Variants in JAZF1 observed in about 807,000 individuals in gnomAD.
The protein encoded by JAZF1 is JAZF zinc finger 1.
JAZF1 carries 8 observed loss-of-function variants against 26.4 expected under a neutral mutation model. The ratio of observed to expected loss-of-function variants is 0.30; its 90% CI spans 0.18 to 0.55. The LOEUF is 0.55. Among genes scored for constraint, JAZF1 ranks in the 20% least tolerant of loss-of-function variants. JAZF1 has a pLI of 0.94. For synonymous variants in JAZF1, 126 were observed against 122.3 expected (o/e 1.03, Z -0.20); for missense variants, 199 against 322.0 (o/e 0.62, Z 2.92).
chr7:28,090,580 A>AT (rs1784277591), intron 1 of JAZF1, among the ~76,000 whole-genome samples: 1 of 152,194 alleles, frequency 6.6e-6, no homozygotes, highest in Non-Finnish European at 1.5e-5. Context: ...TGTTTAAAAT[A>AT]TCTCCTTTGA....
Position 27,840,911 on chromosome 7 carries a change from T to C in JAZF1, c.386-44A>G. On this transcript the variant is annotated intron_variant, in intron 3 of 4. Transcript: ENST00000283928. This position sits in a 1 kb window ranked among gnomAD's most constrained non-coding sequence, Gnocchi z 5.1. ...GCAAGGACTGTCAGGAGCGCTCATC[T>C]CCCCACAGGTTCACCCGGCCACTTC... 1 of 1,596,726 alleles carries C rather than the reference T, an allele frequency of 6.3e-7. No individual in the cohort carries two copies.
At chr7:28,177,090 T>A (rs575089457) in intron 1 of JAZF1, among the ~76,000 whole-genome samples, 1 of 152,186 alleles carries the variant, frequency 6.6e-6, no homozygotes, top group South Asian at 2.1e-4. Flanking sequence ...CACTTCACAG[T>A]TGCAGGGCTA....
chr7:27,880,558 G>A lies in JAZF1; in HGVS notation c.385+14662C>T, dbSNP rs556330324. ...TGAGGCAGGAGAATTGCTTGAACCC[G>A]AGAGACAGAGGTTGCAGTGAGCCGA... On this transcript the variant is annotated intron_variant, in intron 3 of 4. Coordinates refer to ENST00000283928, the MANE Select transcript of JAZF1 (RefSeq NM_175061.4). Among the ~76,000 whole-genome samples, 389 of 151,910 alleles carry A rather than the reference G, an allele frequency of 2.6e-3. 1 individual carries two copies. The highest frequency in any genetic ancestry group is 8.9e-3 in the African/African-American group (369 of 41,478).
intron 1 of JAZF1, among the ~76,000 whole-genome samples, chr7:28,076,377 T>A (rs891754351): frequency 6.6e-6 from 1 of 152,182 alleles, no homozygotes; most frequent in Non-Finnish European, 1.5e-5. Context: ...AACATTGATA[T>A]ATCAATTTAA....
chr7:28,128,279 T>A (rs905796780), intron 1 of JAZF1, among the ~76,000 whole-genome samples: 1 of 152,116 alleles, frequency 6.6e-6, no homozygotes, highest in Non-Finnish European at 1.5e-5. Flanking sequence ...ATCCCAGCAC[T>A]ATGGAAGGCC....
At chr7:28,106,340 T>C (rs1017422725) in intron 1 of JAZF1, among the ~76,000 whole-genome samples, 7 of 152,186 alleles carry the variant, frequency 4.6e-5, no homozygotes, top group Non-Finnish European at 1.0e-4. Flanking sequence ...AATGTTCCAA[T>C]AGCCACTCTC....
intron 2 of JAZF1, among the ~76,000 whole-genome samples, chr7:27,934,614 G>A (rs992127028): frequency 2.0e-5 from 3 of 152,172 alleles, no homozygotes; most frequent in African/African-American, 7.2e-5. Flanking sequence ...ATATCCCATC[G>A]GGTGGGGGGC....
rs771128232 is a variant in JAZF1 at position 27,840,854 on chromosome 7, G to A, written c.399C>T (p.Asp133=). The A allele has an allele frequency of 2.7e-5, 44 of 1,613,816 alleles. No individual in the cohort carries two copies. The East Asian group carries it at 4.5e-4, about 16-fold the overall frequency. Residue 133 remains aspartate, a synonymous_variant, in exon 4 of 5, where the codon GAC becomes GAT. Coordinates refer to ENST00000283928, the MANE Select transcript of JAZF1 (RefSeq NM_175061.4). This position sits in a 1 kb window ranked among gnomAD's most constrained non-coding sequence, Gnocchi z 5.1. ...ACTCCTCATAGTCCACCTCCTCCTCGTCATACTCGCTGCCTGCAGGACAAG... is the reference window on the plus strand; with the variant it reads ...ACTCCTCATAGTCCACCTCCTCCTCATCATACTCGCTGCCTGCAGGACAAG... The part of the protein sequence containing the change: ...RSSTPTGSEY[D]EEEVDYEESD...
intron 3 of JAZF1, among the ~76,000 whole-genome samples, chr7:27,853,787 C>T (rs1783194410): frequency 1.3e-5 from 2 of 152,170 alleles, no homozygotes; most frequent in Admixed American, 1.3e-4. Flanking sequence ...CAGTATTTTA[C>T]TACCAATTAT....
chr7:27,940,284 C>T (rs925195702), intron 2 of JAZF1, among the ~76,000 whole-genome samples: 2 of 64,164 alleles, frequency 3.1e-5, no homozygotes, highest in African/African-American at 7.5e-5. Flanking sequence ...GGCCGGGTCA[C>T]GGCGGTGTGG....
intron 4 of JAZF1, among the ~76,000 whole-genome samples, chr7:27,838,495 G>A (rs1782860022): frequency 6.6e-6 from 1 of 152,166 alleles, no homozygotes; most frequent in Admixed American, 6.5e-5. Flanking sequence ...GGCTGGCAGA[G>A]ACTGCTGCCA....
At chr7:27,854,053 CCT>C (rs148753451) in intron 3 of JAZF1, among the ~76,000 whole-genome samples, 34,603 of 151,860 alleles carry the variant, frequency 0.23, 4,757 homozygotes, top group East Asian at 0.57. Context: ...TCTGCATGCT[CCT>C]GTTTTGGGTG....
intron 1 of JAZF1, among the ~76,000 whole-genome samples, chr7:28,050,118 T>A (rs1382329034): frequency 2.0e-5 from 3 of 151,976 alleles, no homozygotes; most frequent in Non-Finnish European, 4.4e-5. Context: ...GGAAATTCCA[T>A]GAGATGGAGG....
At chr7:27,868,436 G>A (rs946124078) in intron 3 of JAZF1, among the ~76,000 whole-genome samples, 2 of 152,040 alleles carry the variant, frequency 1.3e-5, no homozygotes, top group Admixed American at 6.5e-5. Context: ...AGATTCCTCC[G>A]CCCCTGCATG....
intron 1 of JAZF1, among the ~76,000 whole-genome samples, chr7:28,090,280 T>C (rs975238650): frequency 2.0e-5 from 3 of 152,212 alleles, no homozygotes; most frequent in South Asian, 4.1e-4. Flanking sequence ...TTAACTGCCA[T>C]TATCATCATC....
chr7:28,081,054 G>T (rs536812731), intron 1 of JAZF1, among the ~76,000 whole-genome samples: 1 of 152,280 alleles, frequency 6.6e-6, no homozygotes, highest in East Asian at 1.9e-4. Context: ...TGGTAAATTA[G>T]AGGAAAAGTC....
At position 27,832,839 on chromosome 7, in the gene JAZF1, G is replaced by C. The variant is rs1346353001; in HGVS notation, c.693C>G (p.Pro231=). ...TCCTGATAATCTCAGCCGACACCGG[G>C]GGATGGAAATTGATTGTGTGGTGCC... The part of the protein sequence containing the change: ...GLRHHTINFH[P]PVSAEIIRKM... Residue 231 remains proline, a synonymous_variant, in exon 5 of 5, where the codon CCC becomes CCG. Transcript: ENST00000283928. 1.9e-6 allele frequency: 3 copies of C among 1,608,360 alleles called. No homozygotes were observed. Among genetic ancestry groups the C allele is most frequent in the African/African-American group, 1.3e-5 (1 of 74,874 alleles).
rs528179547 is a variant in JAZF1, at chr7:27,873,488, C to A, written c.385+21732G>T. On this transcript the variant is annotated intron_variant, in intron 3 of 4. Transcript: ENST00000283928. ...TGGTGTGGAATGGGTCCCCAACCAT[C>A]CCCTGGCTGGCTGTCTAGGTTTTTC... Among the ~76,000 whole-genome samples, 28 of 152,322 alleles carry A rather than the reference C, an allele frequency of 1.8e-4. 1 individual carries two copies. The South Asian group carries it at 5.6e-3, about 30-fold the overall frequency.
At chr7:27,931,531 G>T (rs1250188937) in intron 2 of JAZF1, among the ~76,000 whole-genome samples, 5 of 152,168 alleles carry the variant, frequency 3.3e-5, no homozygotes, top group Admixed American at 6.5e-5. Context: ...ATCAGGTTTG[G>T]AGGCTGGGCG....
Sources: allele counts gnomAD v4.1 joint callset (sites outside exome capture counted in the v4.1 genomes callset), GRCh38; gene constraint gnomAD v4.1.1; non-coding constraint Gnocchi (gnomAD v3.1); transcripts MANE v1.5; gene names NCBI Gene and HGNC (gene_info 2026-07-23, HGNC 2026-07-21).